PTBP2: variants seen among roughly 807,000 people sequenced by gnomAD.
PTBP2 encodes polypyrimidine tract binding protein 2.
Under a neutral mutation model 61.4 loss-of-function variants are expected in PTBP2, and 13 were observed. The ratio of observed to expected loss-of-function variants is 0.21; its 90% confidence interval spans 0.14 to 0.34. The LOEUF (loss-of-function observed/expected upper bound fraction) is 0.34, where lower values mean the gene tolerates loss of function less well. Among genes scored for constraint, PTBP2 ranks in the 10% least tolerant of loss-of-function variants. The probability of loss-of-function intolerance (pLI) is 1.00; values close to 1 mark genes in which losing one functional copy is unlikely to be tolerated. For missense variants in PTBP2, 405 were observed against 642.6 expected (o/e 0.63, Z 4.00); for synonymous variants, 215 against 218.5 (o/e 0.98, Z 0.14).
chr1:96,803,557 AGG>A (rs34407249), intron 8 of PTBP2, among the ~76,000 whole-genome samples: 1 of 151,680 alleles, frequency 6.6e-6, no homozygotes, highest in African/African-American at 2.4e-5. Flanking sequence ...AAAGAGATGG[AGG>A]GGAAAGTTTT....
At chr1:96,808,735 A>G (rs1393032064) in intron 11 of PTBP2, among the ~76,000 whole-genome samples, 1 of 152,038 alleles carries the variant, frequency 6.6e-6, no homozygotes, top group Admixed American at 6.6e-5. Flanking sequence ...TGCTAGGTAG[A>G]TTTTGCTTTC....
chr1:96,728,515 C>T (rs1220999643), intron 2 of PTBP2, among the ~76,000 whole-genome samples: 2 of 152,074 alleles, frequency 1.3e-5, no homozygotes, highest in Non-Finnish European at 2.9e-5. Context: ...GATTTTATGT[C>T]TGTACTCTTT....
intron 8 of PTBP2, among the ~76,000 whole-genome samples, chr1:96,798,509 AAAG>A (rs1356718143): frequency 2.0e-5 from 3 of 152,220 alleles, no homozygotes; most frequent in Non-Finnish European, 2.9e-5. Flanking sequence ...TGAACAGGGA[AAAG>A]AAGTAAGACC....
intron 2 of PTBP2, among the ~76,000 whole-genome samples, chr1:96,735,069 C>T (rs1410170178): frequency 6.6e-6 from 1 of 151,818 alleles, no homozygotes; most frequent in Non-Finnish European, 1.5e-5. Flanking sequence ...AGGCGCCTGC[C>T]ACTACACCTG....
intron 5 of PTBP2, among the ~76,000 whole-genome samples, chr1:96,775,295 T>C (rs562300119): frequency 1.3e-5 from 2 of 152,326 alleles, no homozygotes; most frequent in East Asian, 3.9e-4. Context: ...CTAGTTAACA[T>C]ACCTGAGAAC....
intron 8 of PTBP2, among the ~76,000 whole-genome samples, chr1:96,799,388 C>T (rs897913013): frequency 6.7e-5 from 10 of 149,530 alleles, no homozygotes; most frequent in African/African-American, 2.5e-4. Context: ...CTCGGCCTCC[C>T]GGGTTCGTGC....
intron 8 of PTBP2, among the ~76,000 whole-genome samples, chr1:96,796,892 A>G (rs144350060): frequency 1.2e-3 from 183 of 152,292 alleles, no homozygotes; most frequent in African/African-American, 4.4e-3. Context: ...GAAAGGAGAT[A>G]TAAGTGTTGA....
At position 96,721,861 on chromosome 1, in the gene PTBP2, G is replaced by T; in HGVS notation, c.-4G>T. 1 of 1,572,840 alleles carries T rather than the reference G, an allele frequency of 6.4e-7. No individual in the cohort carries two copies. The highest frequency in any genetic ancestry group is 8.6e-7 in the Non-Finnish European group (1 of 1,159,098). On this transcript the variant is annotated 5_prime_UTR_variant, in exon 1 of 14. Coordinates refer to ENST00000674951, the MANE Select transcript of PTBP2 (RefSeq NM_021190.4). The stretch of plus-strand genomic sequence containing the variant: ...TTGTGAGCGAAGCTTTGTCCGGTTC[G>T]GCAATGGACGGGTATGTAATCGGGC...
intron 8 of PTBP2, among the ~76,000 whole-genome samples, chr1:96,798,178 G>A (rs1366146984): frequency 6.6e-6 from 1 of 151,908 alleles, no homozygotes; most frequent in African/African-American, 2.4e-5. Context: ...GGCTAAGGTG[G>A]GCATATCACT....
intron 2 of PTBP2, among the ~76,000 whole-genome samples, chr1:96,732,619 TTTAG>T (rs1394902590): frequency 2.6e-5 from 4 of 152,208 alleles, no homozygotes; most frequent in African/African-American, 4.8e-5. Context: ...CTTTTAGGAC[TTTAG>T]TTAGAGAAAT....
chr1:96,776,523 C>G (rs1658065353), intron 5 of PTBP2, among the ~76,000 whole-genome samples: 2 of 151,836 alleles, frequency 1.3e-5, no homozygotes, highest in Non-Finnish European at 2.9e-5. Flanking sequence ...AGTAAAATGA[C>G]TTTTCTTGTT....
chr1:96,785,452 T>C (rs1163731632), intron 8 of PTBP2, among the ~76,000 whole-genome samples, 198 bp downstream of exon 8: 2 of 152,236 alleles, frequency 1.3e-5, no homozygotes, highest in African/African-American at 4.8e-5. Flanking sequence ...ATTAAAATTA[T>C]ATGTTAGTTT....
chr1:96,733,300 C>T (rs1160220214), intron 2 of PTBP2, among the ~76,000 whole-genome samples: 3 of 150,676 alleles, frequency 2.0e-5, no homozygotes, highest in Non-Finnish European at 4.4e-5. Flanking sequence ...CTTGTGATTA[C>T]AATGGGCCCA....
At chr1:96,763,460 A>C (rs990598291) in intron 3 of PTBP2, among the ~76,000 whole-genome samples, 7 of 151,192 alleles carry the variant, frequency 4.6e-5, no homozygotes, top group East Asian at 2.0e-4. Flanking sequence ...TGCCTGCAAT[A>C]GCAGGCACTC....
chr1:96,791,619 C>G (rs28516455), intron 8 of PTBP2, among the ~76,000 whole-genome samples: 1 of 152,028 alleles, frequency 6.6e-6, no homozygotes, highest in African/African-American at 2.4e-5. Flanking sequence ...ATACTGGTTT[C>G]TAAGAACTAA....
intron 9 of PTBP2, among the ~76,000 whole-genome samples, chr1:96,805,487 T>A (rs916968099): frequency 1.3e-5 from 2 of 152,154 alleles, no homozygotes; most frequent in African/African-American, 4.8e-5. Context: ...AAATATTTTT[T>A]AACTTTATTC....
chr1:96,794,933 A>G (rs915072258), intron 8 of PTBP2, among the ~76,000 whole-genome samples: 1 of 152,216 alleles, frequency 6.6e-6, no homozygotes, highest in Non-Finnish European at 1.5e-5. Flanking sequence ...GTATTATGGG[A>G]CAAGATCTTA....
At chr1:96,725,181 A>G (rs909291366) in intron 2 of PTBP2, among the ~76,000 whole-genome samples, 12 of 152,190 alleles carry the variant, frequency 7.9e-5, no homozygotes, top group Non-Finnish European at 1.3e-4. Flanking sequence ...TACAAGTGTG[A>G]GTTGTCGACT....
exon 14 of PTBP2, chr1:96,822,335 A>C (rs540149656): frequency 6.6e-6 from 1 of 152,342 alleles, no homozygotes; most frequent in South Asian, 2.1e-4. Context: ...TTGGGGACAA[A>C]AAAGGACCAG....
Sources: allele counts gnomAD v4.1 joint callset (sites outside exome capture counted in the v4.1 genomes callset), GRCh38; gene constraint gnomAD v4.1.1; transcripts MANE v1.5; gene names NCBI Gene and HGNC (gene_info 2026-07-23, HGNC 2026-07-21).